SH3KBP1: variants seen among roughly 807,000 people sequenced by gnomAD.
SH3KBP1 encodes the protein SH3 domain containing kinase binding protein 1.
Under a neutral mutation model 50.1 loss-of-function variants are expected in SH3KBP1, and 8 were observed. That is an observed-to-expected ratio of 0.16 (90% CI 0.09 to 0.29). SH3KBP1 has a LOEUF of 0.29. SH3KBP1 is among the 10% of genes least tolerant of loss of function. The pLI is 1.00. For missense variants in SH3KBP1, 377 were observed against 535.2 expected (o/e 0.70, Z 2.92); for synonymous variants, 227 against 218.6 (o/e 1.04, Z -0.34).
At position 19,537,807 on chromosome X, in the gene SH3KBP1, A is replaced by G. The variant is rs765872916; in HGVS notation, c.1893-27T>C. ...TGAAAAGCAAATGGCAATGAAATTA[A>G]CCAAAATCCCAGACTTCCTTCATCA... On this transcript the variant is annotated intron_variant, in intron 16 of 17. Coordinates refer to ENST00000397821, the MANE Select transcript of SH3KBP1 (RefSeq NM_031892.3). The G allele has an allele frequency of 3.5e-6, 4 of 1,145,574 alleles. No individual in the cohort carries two copies. The Admixed American group carries it at 8.7e-5, about 25-fold the overall frequency. 94.4% of individuals were successfully genotyped at this position (1,145,574 alleles called of 1,213,427 possible).
intron 1 of SH3KBP1, among the ~76,000 whole-genome samples, chrX:19,852,707 T>C (rs774036385): frequency 9.6e-6 from 1 of 104,027 alleles, no homozygotes; most frequent in East Asian, 3.0e-4. Context: ...TAGGTTCAAA[T>C]ATGAAACCAG....
chrX:19,732,596 T>TACACACACACAC (rs60032683), intron 3 of SH3KBP1, among the ~76,000 whole-genome samples: 63 of 90,748 alleles, frequency 6.9e-4, no homozygotes, highest in African/African-American at 2.3e-3. Context: ...TAAAAATCCC[T>TACACACACACAC]ACACACACAC....
intron 13 of SH3KBP1, among the ~76,000 whole-genome samples, chrX:19,567,287 G>A (rs1271091985): frequency 9.3e-6 from 1 of 107,538 alleles, no homozygotes; most frequent in African/African-American, 3.4e-5. Context: ...GGGAGGCTAA[G>A]GTGGGAGGAT....
chrX:19,536,980 G>T (rs2064727883), intron 17 of SH3KBP1, among the ~76,000 whole-genome samples: 1 of 112,074 alleles, frequency 8.9e-6, no homozygotes, highest in Non-Finnish European at 1.9e-5. Context: ...CAGCAGTGTT[G>T]AATCAGAGGC....
At chrX:19,881,690 G>A (rs1192852846) in intron 1 of SH3KBP1, among the ~76,000 whole-genome samples, 2 of 111,501 alleles carry the variant, frequency 1.8e-5, no homozygotes, top group African/African-American at 6.5e-5. Context: ...GTCAATAGGC[G>A]ACACCTGAAT....
chrX:19,881,985 A>G (rs1390078880), intron 1 of SH3KBP1, among the ~76,000 whole-genome samples: 1 of 111,333 alleles, frequency 9.0e-6, no homozygotes, highest in Non-Finnish European at 1.9e-5. Context: ...GCAGTGCCAG[A>G]GTCCTGGTAG....
At chrX:19,784,687 G>A (rs1482976766) in intron 2 of SH3KBP1, among the ~76,000 whole-genome samples, 1 of 111,170 alleles carries the variant, frequency 9.0e-6, no homozygotes. Flanking sequence ...TCAGCTCACT[G>A]CAACCTCTAC....
At chrX:19,615,761 T>C (rs1303879391) in intron 8 of SH3KBP1, among the ~76,000 whole-genome samples, 3 of 111,824 alleles carry the variant, frequency 2.7e-5, no homozygotes, top group African/African-American at 9.7e-5. Context: ...AAACGAGGAC[T>C]ACACTGACTA....
chrX:19,869,826 G>A lies in SH3KBP1; in HGVS notation c.4+17481C>T, dbSNP rs751580733. ...ATTCATTAGTTTGTTCATTCACTCAGTTCTTGAGAACATATACTGGCACAA... is the reference window on the plus strand; with the variant it reads ...ATTCATTAGTTTGTTCATTCACTCAATTCTTGAGAACATATACTGGCACAA... On this transcript the variant is annotated intron_variant, in intron 1 of 17. Transcript: ENST00000397821. Among the ~76,000 whole-genome samples, 16 of 112,350 alleles carry A rather than the reference G, an allele frequency of 1.4e-4. No individual in the cohort carries two copies. In the East Asian group the frequency reaches 3.0e-3, roughly 21 times the overall value.
Position 19,536,197 on chromosome X carries a change from G to C in SH3KBP1, c.*220C>G, listed in dbSNP as rs765102958. 3.1e-6 allele frequency: 1 copy of C among 320,634 alleles called. No homozygotes were observed. Among genetic ancestry groups the C allele is most frequent in the Non-Finnish European group, 5.6e-6 (1 of 179,348 alleles). The allele number at this position is 320,634 out of a possible 1,213,427, so 26.4% of individuals were successfully genotyped here. On this transcript the variant is annotated 3_prime_UTR_variant, in exon 18 of 18. Transcript: ENST00000397821. ...AGCCTTTAGCACAATTTTGCTCTGT[G>C]TAAGTCACAACGAGTGCCAGCCCCA...
At chrX:19,577,352 A>G (rs2066231810) in intron 12 of SH3KBP1, among the ~76,000 whole-genome samples, 1 of 111,702 alleles carries the variant, frequency 9.0e-6, no homozygotes, top group Non-Finnish European at 1.9e-5. Flanking sequence ...CAGGCTGGGG[A>G]TCTGGCCTTG....
intron 2 of SH3KBP1, among the ~76,000 whole-genome samples, chrX:19,813,160 A>AAAG (rs370190945): frequency 0.099 from 10,318 of 104,515 alleles, 951 homozygotes; most frequent in African/African-American, 0.27. Flanking sequence ...AAACAAAAAA[A>AAAG]AAGAAGAAGA....
At chrX:19,769,585 T>C (rs1456107506) in intron 2 of SH3KBP1, among the ~76,000 whole-genome samples, 1 of 111,137 alleles carries the variant, frequency 9.0e-6, no homozygotes, top group Non-Finnish European at 1.9e-5. Context: ...ACTTCATGTT[T>C]TTCTCAAGTA....
At chrX:19,828,953 C>T (rs1279644967) in intron 2 of SH3KBP1, among the ~76,000 whole-genome samples, 1 of 110,770 alleles carries the variant, frequency 9.0e-6, no homozygotes, top group African/African-American at 3.3e-5. Flanking sequence ...ACTAGTGTGG[C>T]GCAAATGAGG....
chrX:19,726,262 C>A (rs932314037), intron 3 of SH3KBP1, among the ~76,000 whole-genome samples: 1 of 111,505 alleles, frequency 9.0e-6, no homozygotes, highest in Non-Finnish European at 1.9e-5. Flanking sequence ...TGGAGGAAGG[C>A]GTCTGACAGA....
Position 19,887,378 on chromosome X carries a change from G to A in SH3KBP1, c.-68C>T. On this transcript the variant is annotated 5_prime_UTR_variant, in exon 1 of 18. Coordinates refer to ENST00000397821, the MANE Select transcript of SH3KBP1 (RefSeq NM_031892.3). The stretch of plus-strand genomic sequence containing the variant: ...GGCGGAGGCGGGCGTGGGGGTTGGG[G>A]CGCCGGGATCGGGGCGCTGGGATCC... 2.2e-6 allele frequency: 2 copies of A among 905,408 alleles called. No homozygotes were observed. Among genetic ancestry groups the A allele is most frequent in the South Asian group, 4.9e-5 (1 of 20,233 alleles). The allele number at this position is 905,408 out of a possible 1,213,427, so 74.6% of individuals were successfully genotyped here. A position where few individuals can be genotyped will look rare whatever the true frequency, so the allele number is the denominator to read the frequency against.
At chrX:19,543,949 C>T (rs1283568451) in intron 15 of SH3KBP1, among the ~76,000 whole-genome samples, 3 of 110,729 alleles carry the variant, frequency 2.7e-5, no homozygotes, top group Admixed American at 1.9e-4. Context: ...GAGGCGGGGG[C>T]GATGAGCAGC....
chrX:19,686,493 G>T (rs890331253), intron 5 of SH3KBP1, among the ~76,000 whole-genome samples: 1 of 111,177 alleles, frequency 9.0e-6, no homozygotes, highest in African/African-American at 3.3e-5. Flanking sequence ...AAAGTGTGGT[G>T]TCTGGGGCGA....
chrX:19,726,586 A>C (rs1319172383), intron 3 of SH3KBP1, among the ~76,000 whole-genome samples: 1 of 111,803 alleles, frequency 8.9e-6, no homozygotes, highest in Non-Finnish European at 1.9e-5. Context: ...CAAGATACAC[A>C]GAGCAGCTTA....
Sources: allele counts gnomAD v4.1 joint callset (sites outside exome capture counted in the v4.1 genomes callset), GRCh38; gene constraint gnomAD v4.1.1; transcripts MANE v1.5; gene names NCBI Gene and HGNC (gene_info 2026-07-23, HGNC 2026-07-21).